Variants in KMT2C observed in about 807,000 individuals in gnomAD.
KMT2C encodes lysine methyltransferase 2C, also known as histone-lysine N-methyltransferase 2C.
Under a neutral mutation model 507.9 loss-of-function variants are expected in KMT2C, and 88 were observed. That is an observed-to-expected ratio of 0.17 (90% CI 0.15 to 0.21). The LOEUF (loss-of-function observed/expected upper bound fraction) is 0.21, where lower values mean the gene tolerates loss of function less well. Among genes scored for constraint, KMT2C ranks in the 10% least tolerant of loss-of-function variants. KMT2C has a pLI of 1.00. For missense variants in KMT2C, 4,954 were observed against 5,957.8 expected (o/e 0.83, Z 5.55); for synonymous variants, 2,049 against 2,080.8 (o/e 0.98, Z 0.42).
intron 1 of KMT2C, among the ~76,000 whole-genome samples, chr7:152,421,231 G>T (rs2097775569): frequency 1.3e-5 from 2 of 152,040 alleles, no homozygotes; most frequent in African/African-American, 4.8e-5. Context: ...TGATTAAAAA[G>T]TCACACACAA....
intron 18 of KMT2C, among the ~76,000 whole-genome samples, chr7:152,229,662 C>G (rs2360920): frequency 0.075 from 11,462 of 152,094 alleles, 1,517 homozygotes; most frequent in African/African-American, 0.26. Context: ...TTTGTGAATA[C>G]TATAAATTGT....
chr7:152,375,280 G>A (rs937641633), intron 1 of KMT2C, among the ~76,000 whole-genome samples: 2 of 151,888 alleles, frequency 1.3e-5, no homozygotes, highest in Non-Finnish European at 2.9e-5. Flanking sequence ...GACCTCAGGT[G>A]ATCTGCCCAC....
At chr7:152,365,105 C>A (rs1031313008) in intron 1 of KMT2C, among the ~76,000 whole-genome samples, 1 of 152,130 alleles carries the variant, frequency 6.6e-6, no homozygotes, top group Non-Finnish European at 1.5e-5. Context: ...TTGTCTGAAA[C>A]TATGTAAGCC....
At chr7:152,343,234 A>G (rs1475881455) in intron 2 of KMT2C, among the ~76,000 whole-genome samples, 2 of 152,234 alleles carry the variant, frequency 1.3e-5, no homozygotes, top group African/African-American at 4.8e-5. Context: ...TCTAATGGAT[A>G]AAGTAGACAG....
chr7:152,326,375 C>A lies in KMT2C; in HGVS notation c.389+4226G>T, dbSNP rs1041727106. Among the ~76,000 whole-genome samples the A allele has an allele frequency of 2.0e-5, 3 of 152,016 alleles. 1 individual carries two copies. Among genetic ancestry groups the A allele is most frequent in the Non-Finnish European group, 2.9e-5 (2 of 68,014 alleles). On this transcript the variant is annotated intron_variant, in intron 3 of 58. Coordinates refer to ENST00000262189, the MANE Select transcript of KMT2C (RefSeq NM_170606.3). Reference sequence around the variant, plus strand: ...TTTCCAAAAAGTTTTATAATTTTCTCTATAAAAGTCTTACATTTTTGCACA... The same window carrying A: ...TTTCCAAAAAGTTTTATAATTTTCTATATAAAAGTCTTACATTTTTGCACA...
intron 6 of KMT2C, among the ~76,000 whole-genome samples, chr7:152,303,369 C>G (rs1338924098): frequency 6.6e-6 from 1 of 152,192 alleles, no homozygotes; most frequent in Non-Finnish European, 1.5e-5. Context: ...CTGCATATTG[C>G]AGAATGTTTA....
intron 8 of KMT2C, among the ~76,000 whole-genome samples, chr7:152,264,822 ATGT>A (rs1435090013): frequency 6.6e-6 from 1 of 150,996 alleles, no homozygotes; most frequent in Non-Finnish European, 1.5e-5. Flanking sequence ...AATTATATAA[ATGT>A]TATTTATATT....
chr7:152,327,891 G>A (rs989538503), intron 3 of KMT2C, among the ~76,000 whole-genome samples: 13 of 149,332 alleles, frequency 8.7e-5, no homozygotes, highest in Non-Finnish European at 1.5e-4. Context: ...CCAGGAGGTG[G>A]AGCTTGCAGT....
At chr7:152,228,080 C>A (rs937522424) in intron 18 of KMT2C, among the ~76,000 whole-genome samples, 1 of 152,146 alleles carries the variant, frequency 6.6e-6, no homozygotes, top group African/African-American at 2.4e-5. Context: ...AATTCATTCA[C>A]AATTATACAG....
At chr7:152,210,187 T>C (rs559818733) in intron 23 of KMT2C, among the ~76,000 whole-genome samples, 5 of 152,244 alleles carry the variant, frequency 3.3e-5, no homozygotes, top group Admixed American at 2.0e-4. Context: ...AGTATGAGGT[T>C]TGAAAAGACT....
chr7:152,258,445 C>T (rs563734169), intron 9 of KMT2C, among the ~76,000 whole-genome samples: 140 of 152,272 alleles, frequency 9.2e-4, no homozygotes, highest in Admixed American at 2.9e-3. Flanking sequence ...GCTGGAAATG[C>T]ATCATTTGCA....
chr7:152,183,223 TATC>T, intron 34 of KMT2C, 67 bp from the exon 35 acceptor site: 1 of 1,229,992 alleles, frequency 8.1e-7, no homozygotes, highest in Non-Finnish European at 1.1e-6. Flanking sequence ...AAAATAAAAC[TATC>T]ATGAACTTTC....
rs758471475 is a variant in KMT2C, at chr7:152,163,719, G to A, written c.9858C>T (p.Pro3286=). The stretch of plus-strand genomic sequence containing the variant: ...TGGCACCTGGAATTAGGGGTGGCTG[G>A]GGCTGGACACTGGGCATCATGGTAG... The part of the protein sequence containing the change: ...APPTMMPSVQ[P]QPPLIPGATP... Residue 3286 remains proline, a synonymous_variant, in exon 43 of 59, where the codon CCC becomes CCT. Coordinates refer to ENST00000262189, the MANE Select transcript of KMT2C (RefSeq NM_170606.3). The A allele has an allele frequency of 1.6e-5, 26 of 1,614,052 alleles. No individual in the cohort carries two copies. The Admixed American group carries it at 3.7e-4, about 23-fold the overall frequency.
chr7:152,258,520 C>CTGT (rs890652824), intron 9 of KMT2C, among the ~76,000 whole-genome samples: 56 of 151,688 alleles, frequency 3.7e-4, no homozygotes, highest in African/African-American at 7.7e-4. Flanking sequence ...GTTGTTGTTG[C>CTGT]TGTTGTTGTT....
At position 152,177,821 on chromosome 7, in the gene KMT2C, C is replaced by G. The variant is rs2129115459; in HGVS notation, c.7632G>C (p.Gln2544His). The change falls in exon 38 of 59, where the codon CAG (glutamine) becomes CAC (histidine). Residue 2544 changes from glutamine (Q) to histidine (H), a missense_variant. Gln to His is a conservative substitution (Grantham distance 24). This residue lies in a region of KMT2C where 1,689 missense variants were observed against 1,654.3 expected (regional missense o/e 1.02). Transcript: ENST00000262189. ...PVGLPQHFSP[Q>H]SLPVQQHNIL... ...TGTTGTGCTGCTGAACTGGCAAGCT[C>G]TGTGGTGAAAAATGCTGAGGAAGTC... 6.2e-7 allele frequency: 1 copy of G among 1,613,614 alleles called. No individual in the cohort carries two copies. Among genetic ancestry groups the G allele is most frequent in the Non-Finnish European group, 8.5e-7 (1 of 1,179,924 alleles).
At chr7:152,376,414 C>T (rs1196770185) in intron 1 of KMT2C, among the ~76,000 whole-genome samples, 2 of 152,192 alleles carry the variant, frequency 1.3e-5, no homozygotes, top group Non-Finnish European at 2.9e-5. Context: ...AGGCCTAAGG[C>T]TAGACCTCTT....
At chr7:152,249,808 A>T (rs2129165355) in intron 13 of KMT2C, 68 bp downstream of exon 13, 1 of 978,184 alleles carries the variant, frequency 1.0e-6, no homozygotes, top group Admixed American at 1.8e-5. Flanking sequence ...CAATCGCAAA[A>T]ATGTCTTTGG....
At chr7:152,349,218 G>A (rs1315192931) in intron 2 of KMT2C, among the ~76,000 whole-genome samples, 1 of 152,110 alleles carries the variant, frequency 6.6e-6, no homozygotes, top group Non-Finnish European at 1.5e-5. Flanking sequence ...GGCTGAGGCG[G>A]GTGGATCACC....
intron 6 of KMT2C, among the ~76,000 whole-genome samples, chr7:152,278,908 T>G (rs1356132044): frequency 6.6e-6 from 1 of 152,292 alleles, no homozygotes; most frequent in Non-Finnish European, 1.5e-5. Flanking sequence ...AATCAGGATA[T>G]TAAGTAGATA....
Sources: gnomAD v4.1 joint callset for allele counts (sites outside exome capture counted in the v4.1 genomes callset) on GRCh38, gnomAD v4.1.1 for gene constraint, gnomAD v4.1.1 regional missense constraint, MANE v1.5 for transcripts, NCBI Gene and HGNC (gene_info 2026-07-23, HGNC 2026-07-21) for gene names.